Variants in TAFA5 observed in about 807,000 individuals in gnomAD.
TAFA5 encodes the protein TAFA chemokine like family member 5.
Under a neutral mutation model 15.3 loss-of-function variants are expected in TAFA5, and 6 were observed. That is an observed-to-expected ratio of 0.39 (90% CI 0.21 to 0.77). The LOEUF is 0.77. TAFA5 is among the 30% of genes least tolerant of loss of function. The pLI is 0.41. For missense variants in TAFA5, 161 were observed against 193.1 expected (o/e 0.83, Z 0.98); for synonymous variants, 103 against 80.7 (o/e 1.28, Z -1.48).
intron 1 of TAFA5, among the ~76,000 whole-genome samples, chr22:48,631,782 C>T (rs1053858589): frequency 2.6e-5 from 4 of 152,224 alleles, no homozygotes; most frequent in South Asian, 2.1e-4. Flanking sequence ...CTAGACATCG[C>T]GGAATGTAAA....
Position 48,694,086 on chromosome 22 carries a change from C to T in TAFA5, c.263-13631C>T, listed in dbSNP as rs138463809. On this transcript the variant is annotated intron_variant, in intron 2 of 3. Coordinates refer to ENST00000402357, the MANE Select transcript of TAFA5 (RefSeq NM_001082967.3). ...GACTGCATCCATGTTCCAGCATCAC[C>T]GCTTGTAAGCCGTGTGACCTTGGGC... Among the ~76,000 whole-genome samples the T allele has an allele frequency of 6.0e-3, 916 of 152,326 alleles. 7 individuals carry two copies. Among genetic ancestry groups the T allele is most frequent in the Non-Finnish European group, 0.01 (684 of 68,032 alleles).
At chr22:48,693,795 A>G (rs1928615981) in intron 2 of TAFA5, among the ~76,000 whole-genome samples, 1 of 152,110 alleles carries the variant, frequency 6.6e-6, no homozygotes, top group African/African-American at 2.4e-5. Flanking sequence ...TCCAGGCCAC[A>G]ATCCTGACCC....
chr22:48,617,538 G>A (rs767783673), intron 1 of TAFA5, among the ~76,000 whole-genome samples: 1 of 152,204 alleles, frequency 6.6e-6, no homozygotes, highest in Non-Finnish European at 1.5e-5. Flanking sequence ...CAGTGGCCCC[G>A]GAAGCGCCTC....
chr22:48,611,674 G>C (rs1925415659), intron 1 of TAFA5, among the ~76,000 whole-genome samples: 2 of 152,076 alleles, frequency 1.3e-5, no homozygotes, highest in Non-Finnish European at 2.9e-5. Flanking sequence ...GGCCTTTCTT[G>C]CCTCTCCTGG....
At chr22:48,689,080 G>T (rs1007826305) in intron 2 of TAFA5, among the ~76,000 whole-genome samples, 3 of 151,734 alleles carry the variant, frequency 2.0e-5, no homozygotes, top group African/African-American at 4.8e-5. Context: ...GCCTATGTAT[G>T]TCCTTGGTGT....
At chr22:48,528,814 G>A (rs1240389154) in intron 1 of TAFA5, among the ~76,000 whole-genome samples, 1 of 152,224 alleles carries the variant, frequency 6.6e-6, no homozygotes, top group African/African-American at 2.4e-5. Context: ...CACTGGGGGA[G>A]AAGCTGGGGG....
chr22:48,585,920 C>T (rs1473151870), intron 1 of TAFA5, among the ~76,000 whole-genome samples: 1 of 152,176 alleles, frequency 6.6e-6, no homozygotes, highest in African/African-American at 2.4e-5. Context: ...ACACACGTTA[C>T]ACCCATCACA....
chr22:48,558,847 G>A (rs1046584765), intron 1 of TAFA5, among the ~76,000 whole-genome samples: 4 of 152,346 alleles, frequency 2.6e-5, no homozygotes, highest in Middle Eastern at 3.4e-3. Context: ...GGCGAACGGC[G>A]GGCCCACCTC....
chr22:48,714,412 C>T (rs780281727), intron 3 of TAFA5, among the ~76,000 whole-genome samples: 149 of 152,324 alleles, frequency 9.8e-4, no homozygotes, highest in Non-Finnish European at 1.7e-3. Context: ...CTGACGGCCT[C>T]CTCCCAGCGC....
chr22:48,637,612 C>T (rs1926496946), intron 1 of TAFA5, among the ~76,000 whole-genome samples: 1 of 152,182 alleles, frequency 6.6e-6, no homozygotes, highest in South Asian at 2.1e-4. Context: ...GCCGTTATCC[C>T]TGCTGGTCTC....
chr22:48,503,977 C>T (rs1920969617), intron 1 of TAFA5, among the ~76,000 whole-genome samples: 2 of 152,216 alleles, frequency 1.3e-5, no homozygotes, highest in Admixed American at 1.3e-4. Context: ...CTCAGGTGGG[C>T]TCCATAAGCC....
intron 1 of TAFA5, among the ~76,000 whole-genome samples, chr22:48,633,733 C>G (rs150882621): frequency 2.5e-4 from 38 of 152,088 alleles, no homozygotes; most frequent in Non-Finnish European, 4.4e-4. Flanking sequence ...CATGTGAGTG[C>G]GTTTGTTTAA....
chr22:48,694,749 C>T (rs1049168246), intron 2 of TAFA5, among the ~76,000 whole-genome samples: 3 of 151,472 alleles, frequency 2.0e-5, no homozygotes, highest in African/African-American at 4.8e-5. Flanking sequence ...TCCAAGACCA[C>T]CAAGGGCTGC....
chr22:48,682,306 G>A (rs1928216286), intron 2 of TAFA5, among the ~76,000 whole-genome samples: 1 of 152,212 alleles, frequency 6.6e-6, no homozygotes, highest in Admixed American at 6.5e-5. Flanking sequence ...GGGATGAAAT[G>A]GCAGATGGCA....
At chr22:48,509,948 C>CT (rs1921149248) in intron 1 of TAFA5, among the ~76,000 whole-genome samples, 1 of 113,716 alleles carries the variant, frequency 8.8e-6, no homozygotes, top group African/African-American at 3.0e-5. Flanking sequence ...GAGAATCTGT[C>CT]TCAAAAAAAA....
intron 1 of TAFA5, among the ~76,000 whole-genome samples, chr22:48,595,749 G>T (rs192879343): frequency 4.8e-4 from 73 of 152,374 alleles, no homozygotes; most frequent in Non-Finnish European, 9.4e-4. Flanking sequence ...GTCTACACAG[G>T]GCCACGCTCA....
At chr22:48,580,417 A>G (rs988808092) in intron 1 of TAFA5, among the ~76,000 whole-genome samples, 7 of 152,266 alleles carry the variant, frequency 4.6e-5, no homozygotes, top group Admixed American at 4.6e-4. Flanking sequence ...AGAACTTCTT[A>G]GGAGACACAG....
At chr22:48,618,431 T>G (rs1373336298) in intron 1 of TAFA5, among the ~76,000 whole-genome samples, 1 of 152,250 alleles carries the variant, frequency 6.6e-6, no homozygotes, top group Non-Finnish European at 1.5e-5. Context: ...CGTAAATACT[T>G]TATTGGAGCA....
intron 3 of TAFA5, among the ~76,000 whole-genome samples, chr22:48,712,611 C>T (rs1929286318): frequency 6.6e-6 from 1 of 152,196 alleles, no homozygotes; most frequent in African/African-American, 2.4e-5. Flanking sequence ...AGAAACTGAC[C>T]TCTGCGGTGC....
Sources: gnomAD v4.1 joint callset for allele counts (sites outside exome capture counted in the v4.1 genomes callset) on GRCh38, gnomAD v4.1.1 for gene constraint, MANE v1.5 for transcripts, NCBI Gene and HGNC (gene_info 2026-07-23, HGNC 2026-07-21) for gene names.